The following DIPK1C variants were observed in gnomAD, a reference collection of about 807,000 sequenced individuals.
DIPK1C encodes familial non-conventional Alzheimer's dementia.
DIPK1C carries 33 observed loss-of-function variants against 28.0 expected under a neutral mutation model. That is an observed-to-expected ratio of 1.18 (90% confidence interval 0.89 to 1.58). The LOEUF (loss-of-function observed/expected upper bound fraction) is 1.58. Among genes scored for constraint, DIPK1C ranks in the 40% most tolerant of loss-of-function variants. The pLI is 0.00. For missense variants in DIPK1C, 569 were observed against 568.5 expected, an observed-to-expected ratio of 1.00 and a Z score of -0.01; for synonymous variants, 255 against 248.8, an observed-to-expected ratio of 1.02 and a Z score of -0.23.
chr18:74,459,446 T>C (rs1986584032), upstream of DIPK1C, among the ~76,000 whole-genome samples: 1 of 152,292 alleles, frequency 6.6e-6, no homozygotes, highest in East Asian at 1.9e-4. Context: ...AACACGGAAG[T>C]GATGGTGCTC....
upstream of DIPK1C, among the ~76,000 whole-genome samples, chr18:74,462,153 G>A (rs1264325516): frequency 6.6e-6 from 1 of 152,180 alleles, no homozygotes; most frequent in East Asian, 1.9e-4. Flanking sequence ...TGATTCTCAA[G>A]ACATGTGCAG....
chr18:74,458,347 G>C (rs1416083612), upstream of DIPK1C, among the ~76,000 whole-genome samples: 6 of 152,202 alleles, frequency 3.9e-5, no homozygotes, highest in African/African-American at 1.2e-4. Context: ...CGCCTGCCCT[G>C]CGCCTGAATT....
At chr18:74,444,813 C>T (rs1210738773) in intron 2 of DIPK1C, among the ~76,000 whole-genome samples, 1 of 152,112 alleles carries the variant, frequency 6.6e-6, no homozygotes, top group Non-Finnish European at 1.5e-5. Context: ...CACCAGCCGA[C>T]AAAACACAGT....
In DIPK1C at chr18:74,435,010, A is replaced by G. The variant is rs1305839214; in HGVS notation, c.*1491T>C. 6.6e-6 allele frequency: 1 copy of G among 152,198 alleles called. No homozygotes were observed. The highest frequency in any genetic ancestry group is 1.5e-5 in the Non-Finnish European group (1 of 68,064). 9.4% of individuals were successfully genotyped at this position (152,198 alleles called of 1,614,324 possible). ...CAGAATTTAGAGCTGGGGGCCTCTG[A>G]TCATGCTAGTCCCTCACACACCATT... On this transcript the variant is annotated 3_prime_UTR_variant, in exon 4 of 4. Coordinates refer to ENST00000343998, the MANE Select transcript of DIPK1C (RefSeq NM_001044369.3).
rs779781210 is a variant in DIPK1C, at chr18:74,446,725, T to C, written c.757A>G (p.Ile253Val). ...GAPGGGQAKA[I>V]SDIALSFLDM... The stretch of plus-strand genomic sequence containing the variant: ...AAGAAGCTGAGTGCGATGTCACTGA[T>C]GGCCTTGGCCTGGCCACCCCCAGGG... Residue 253 changes from isoleucine to valine, a missense_variant, in exon 2 of 4, where the codon ATC (isoleucine) becomes GTC (valine). Ile to Val is a conservative substitution (Grantham distance 29). Transcript: ENST00000343998. The C allele has an allele frequency of 9.7e-6, 15 of 1,541,480 alleles. 1 individual carries two copies. Among genetic ancestry groups the C allele is most frequent in the Middle Eastern group, 1.7e-4 (1 of 5,926 alleles).
At chr18:74,454,476 G>T (rs1454682153) in intron 1 of DIPK1C, among the ~76,000 whole-genome samples, 2 of 152,360 alleles carry the variant, frequency 1.3e-5, no homozygotes, top group Admixed American at 6.5e-5. Flanking sequence ...GCTACTGGGG[G>T]TGGGGAATCC....
In DIPK1C at chr18:74,435,438, A is replaced by G. The variant is rs1599032976; in HGVS notation, c.*1063T>C. ...CCACTGATGAGCGTATCATGCCACC[A>G]TAGGATTTGATGCCTATCACTTGGT... On this transcript the variant is annotated 3_prime_UTR_variant, in exon 4 of 4. Coordinates refer to ENST00000343998, the MANE Select transcript of DIPK1C (RefSeq NM_001044369.3). The G allele has an allele frequency of 6.6e-6, 1 of 152,164 alleles. No individual in the cohort carries two copies. The highest frequency in any genetic ancestry group is 1.9e-4 in the East Asian group (1 of 5,170). The allele number at this position is 152,164 out of a possible 1,614,324, so 9.4% of individuals were successfully genotyped here.
rs1379437163 is a variant in DIPK1C at position 74,436,413 on chromosome 18, G to T, written c.*88C>A. On this transcript the variant is annotated 3_prime_UTR_variant, in exon 4 of 4. Coordinates refer to ENST00000343998, the MANE Select transcript of DIPK1C (RefSeq NM_001044369.3). The stretch of plus-strand genomic sequence containing the variant: ...CAGAACGGCACCCCAGAGAGCACAG[G>T]GGAAATGGCTCATCTTTAAAACAAT... The T allele has an allele frequency of 5.3e-6, 7 of 1,318,358 alleles. No homozygotes were observed. In the East Asian group the frequency reaches 1.8e-4, roughly 33 times the overall value. 81.7% of individuals were successfully genotyped at this position (1,318,358 alleles called of 1,614,324 possible). A position where few individuals can be genotyped will look rare whatever the true frequency, so the allele number is the denominator to read the frequency against.
chr18:74,447,320 G>T lies in DIPK1C; in HGVS notation c.199-37C>A. ...GGAACAGTCGGTCACCATGGGGAGGGCCTGGTGCCATCCGTCTCTCGGCTC... is the reference window on the plus strand; with the variant it reads ...GGAACAGTCGGTCACCATGGGGAGGTCCTGGTGCCATCCGTCTCTCGGCTC... On this transcript the variant is annotated intron_variant, in intron 1 of 3. Transcript: ENST00000343998. This position sits in a 1 kb window ranked among gnomAD's most constrained non-coding sequence, Gnocchi z 4.1. 2 of 1,478,896 alleles carry T rather than the reference G, an allele frequency of 1.4e-6. No individual in the cohort carries two copies. Among genetic ancestry groups the T allele is most frequent in the Non-Finnish European group, 9.0e-7 (1 of 1,110,976 alleles). The allele number at this position is 1,478,896 out of a possible 1,614,324, so 91.6% of individuals were successfully genotyped here. A position where few individuals can be genotyped will look rare whatever the true frequency, so the allele number is the denominator to read the frequency against.
chr18:74,442,490 G>C (rs891628885), intron 2 of DIPK1C, among the ~76,000 whole-genome samples: 3 of 151,802 alleles, frequency 2.0e-5, no homozygotes, highest in African/African-American at 7.3e-5. Flanking sequence ...CACCACACCC[G>C]GCTAATTTTT....
chr18:74,457,289 C>G lies in DIPK1C; in HGVS notation c.-30G>C. On this transcript the variant is annotated 5_prime_UTR_variant, in exon 1 of 4. Transcript: ENST00000343998. ...AGCCCTGCCCGCGCCCGGGCCCCAC[C>G]GCCGCCCGCGCCCCGAGTTCCGCAC... 1.0e-6 allele frequency: 1 copy of G among 983,330 alleles called. No homozygotes were observed. Among genetic ancestry groups the G allele is most frequent in the Non-Finnish European group, 1.2e-6 (1 of 828,684 alleles). 60.9% of individuals were successfully genotyped at this position (983,330 alleles called of 1,614,324 possible). A position where few individuals can be genotyped will look rare whatever the true frequency, so the allele number is the denominator to read the frequency against.
chr18:74,457,095 G>C lies in DIPK1C; in HGVS notation c.165C>G (p.Thr55=), dbSNP rs745406523. Residue 55 remains threonine (T), a synonymous_variant, in exon 1 of 4, where the codon ACC becomes ACG. Transcript: ENST00000343998. The part of the protein sequence containing the change: ...AHPGVLSERC[T]DEKSRRILAA... ...CCAGGATGCGCCGGCTCTTCTCGTC[G>C]GTGCAGCGCTCGGAGAGGACACCCG... 3 of 1,468,504 alleles carry C rather than the reference G, an allele frequency of 2.0e-6. No homozygotes were observed. The highest frequency in any genetic ancestry group is 2.7e-6 in the Non-Finnish European group (3 of 1,118,706). The allele number at this position is 1,468,504 out of a possible 1,614,324, so 91.0% of individuals were successfully genotyped here.
chr18:74,447,998 G>A lies in DIPK1C; in HGVS notation c.199-715C>T, dbSNP rs1986312522. Among the ~76,000 whole-genome samples the A allele has an allele frequency of 6.6e-6, 1 of 152,106 alleles. No individual in the cohort carries two copies. Among genetic ancestry groups the A allele is most frequent in the Admixed American group, 6.5e-5 (1 of 15,282 alleles). ...CATCTGAGCGGCGGTGAGCAAGGCT[G>A]TCCAGGAGCCCCCGGATGGGGTGTT... is the stretch of plus-strand genomic sequence containing the variant. On this transcript the variant is annotated intron_variant, in intron 1 of 3. Coordinates refer to ENST00000343998, the MANE Select transcript of DIPK1C (RefSeq NM_001044369.3). This position sits in a 1 kb window ranked among gnomAD's most constrained non-coding sequence, Gnocchi z 4.1.
chr18:74,461,895 A>G (rs1986623548), upstream of DIPK1C, among the ~76,000 whole-genome samples: 1 of 151,870 alleles, frequency 6.6e-6, no homozygotes, highest in African/African-American at 2.4e-5. Flanking sequence ...AGCTGGGACC[A>G]CAGTTGTACA....
chr18:74,442,361 C>T (rs911281554), intron 2 of DIPK1C, among the ~76,000 whole-genome samples: 4 of 151,978 alleles, frequency 2.6e-5, no homozygotes, highest in Non-Finnish European at 4.4e-5. Context: ...CGGAGTCTCA[C>T]TCTGTCACCC....
chr18:74,439,118 T>G lies in DIPK1C; in HGVS notation c.1042-2399A>C, dbSNP rs1599034659. 1.4e-4 allele frequency among the ~76,000 whole-genome samples: 8 copies of G among 55,788 alleles called. No individual in the cohort carries two copies. The South Asian group carries it at 6.2e-3, about 43-fold the overall frequency. 36.6% of individuals were successfully genotyped at this position (55,788 alleles called of 152,430 possible). A position where few individuals can be genotyped will look rare whatever the true frequency, so the allele number is the denominator to read the frequency against. The stretch of plus-strand genomic sequence containing the variant: ...GCCAACATGGGTTTTTGTTTTTTGT[T>G]TTTTTTTTTCTGAAAGATAATTAAA... On this transcript the variant is annotated intron_variant, in intron 3 of 3. Transcript: ENST00000343998.
the DIPK1C span, among the ~76,000 whole-genome samples, chr18:74,463,827 A>T: frequency 6.6e-6 from 1 of 152,234 alleles, no homozygotes; most frequent in Non-Finnish European, 1.5e-5. Flanking sequence ...AAGAGCCTGT[A>T]GCCTGACCTG....
intron 2 of DIPK1C, among the ~76,000 whole-genome samples, chr18:74,442,433 A>T (rs1229358910): frequency 1.3e-5 from 2 of 151,832 alleles, no homozygotes; most frequent in Admixed American, 6.6e-5. Flanking sequence ...GGTTCACGCC[A>T]TTCTCCTTCC....
Position 74,436,355 on chromosome 18 carries a change from G to T in DIPK1C, c.*146C>A. On this transcript the variant is annotated 3_prime_UTR_variant, in exon 4 of 4. Coordinates refer to ENST00000343998, the MANE Select transcript of DIPK1C (RefSeq NM_001044369.3). The stretch of plus-strand genomic sequence containing the variant: ...CGAGAGCGAGGGAGCACTGTCTCTG[G>T]CAGCAGCACTTGCCACTCCACAATG... The T allele has an allele frequency of 1.3e-6, 1 of 764,356 alleles. No homozygotes were observed. The highest frequency in any genetic ancestry group is 2.1e-6 in the Non-Finnish European group (1 of 486,868). 47.3% of individuals were successfully genotyped at this position (764,356 alleles called of 1,614,324 possible).
Sources: allele counts gnomAD v4.1 joint callset (sites outside exome capture counted in the v4.1 genomes callset), GRCh38; gene constraint gnomAD v4.1.1; non-coding constraint Gnocchi (gnomAD v3.1); transcripts MANE v1.5; gene names NCBI Gene and HGNC (gene_info 2026-07-23, HGNC 2026-07-21).